Variants in GCNT2 observed in about 807,000 individuals in gnomAD.
GCNT2 encodes N-acetyllactosaminide beta-1,6-N-acetylglucosaminyl-transferase.
In GCNT2, 34 loss-of-function variants were observed where a neutral mutation model predicts 34.2. The observed-to-expected ratio is 1.00, with a 90% CI of 0.76 to 1.32. The LOEUF is 1.32. Ranked by LOEUF, GCNT2 falls within the 40% of genes most tolerant of loss-of-function variation. The probability of loss-of-function intolerance (pLI) is 0.00; values close to 1 mark genes in which losing one functional copy is unlikely to be tolerated. For synonymous variants in GCNT2, 212 were observed against 188.0 expected (o/e 1.13, Z -1.04); for missense variants, 584 against 489.4 (o/e 1.19, Z -1.82).
At chr6:10,537,623 C>G (rs1246664895) in intron 3 of GCNT2, among the ~76,000 whole-genome samples, 1 of 142,618 alleles carries the variant, frequency 7.0e-6, no homozygotes, top group African/African-American at 2.6e-5. Context: ...ATCGCTTAAA[C>G]CCGGGAGGCG....
rs545955648 is a variant in GCNT2 at position 10,545,162 on chromosome 6, C to T, written c.925+15326C>T. The stretch of plus-strand genomic sequence containing the variant: ...TCTAATAAAACTGTATCTTCTCTTT[C>T]TAGTCTATATCCTTTTCCTCCCAGC... On this transcript the variant is annotated intron_variant, in intron 3 of 4. Transcript: ENST00000495262. Among the ~76,000 whole-genome samples the T allele has an allele frequency of 6.6e-5, 10 of 151,938 alleles. No homozygotes were observed. The East Asian group carries it at 1.9e-3, about 29-fold the overall frequency.
chr6:10,565,174 G>A (rs1038908471), intron 3 of GCNT2, among the ~76,000 whole-genome samples: 6 of 152,220 alleles, frequency 3.9e-5, no homozygotes, highest in African/African-American at 1.4e-4. Context: ...ATAGCCGAGC[G>A]AACGAGGATG....
intron 3 of GCNT2, chr6:10,556,471 AATT>A (rs781422504): frequency 6.9e-5 from 111 of 1,613,996 alleles, no homozygotes; most frequent in Non-Finnish European, 8.6e-5. Context: ...TCTCTAGTGT[AATT>A]ATTTTTATCG....
chr6:10,546,820 G>A (rs1191798928), intron 3 of GCNT2, among the ~76,000 whole-genome samples: 1 of 152,002 alleles, frequency 6.6e-6, no homozygotes, highest in Non-Finnish European at 1.5e-5. Flanking sequence ...AAAAGATTAA[G>A]AAAAATAAAA....
At position 10,626,709 on chromosome 6, in the gene GCNT2, C is replaced by G; in HGVS notation, c.*102C>G. 1 of 815,438 alleles carries G rather than the reference C, an allele frequency of 1.2e-6. No homozygotes were observed. The highest frequency in any genetic ancestry group is 2.1e-6 in the Non-Finnish European group (1 of 476,860). The allele number at this position is 815,438 out of a possible 1,614,324, so 50.5% of individuals were successfully genotyped here. ...CTTCGTAATGTTAACCGTTTCAGGA[C>G]CACGTTTATAGCTTCAGGACCTGGC... is the stretch of plus-strand genomic sequence containing the variant. On this transcript the variant is annotated 3_prime_UTR_variant, in exon 5 of 5. Transcript: ENST00000495262.
At chr6:10,546,315 A>G (rs969514847) in intron 3 of GCNT2, among the ~76,000 whole-genome samples, 5 of 152,158 alleles carry the variant, frequency 3.3e-5, no homozygotes, top group Non-Finnish European at 7.3e-5. Flanking sequence ...ACCCCTGTGT[A>G]GCCAAAAACC....
intron 3 of GCNT2, among the ~76,000 whole-genome samples, chr6:10,542,439 G>A (rs1164922617): frequency 2.0e-5 from 3 of 152,094 alleles, no homozygotes; most frequent in African/African-American, 7.2e-5. Flanking sequence ...ATGATTTTTA[G>A]TGCCTTTACA....
At position 10,567,802 on chromosome 6, in the gene GCNT2, G is replaced by A. The variant is rs75721443; in HGVS notation, c.925+37966G>A. Among the ~76,000 whole-genome samples, 787 of 152,314 alleles carry A rather than the reference G, an allele frequency of 5.2e-3. 2 individuals are homozygous for A. The highest frequency in any genetic ancestry group is 0.017 in the Middle Eastern group (5 of 294). ...GCTAGCAAGAGAATTATCAAAGACG[G>A]AAGCCAGCAAAATTTATCATGGAGT... On this transcript the variant is annotated intron_variant, in intron 3 of 4. Coordinates refer to ENST00000495262, the MANE Select transcript of GCNT2 (RefSeq NM_145649.5).
chr6:10,603,804 T>A (rs1765184868), intron 3 of GCNT2, among the ~76,000 whole-genome samples: 1 of 144,814 alleles, frequency 6.9e-6, no homozygotes, highest in South Asian at 2.3e-4. Context: ...TGTGAGCCAC[T>A]GTGCCTGACA....
chr6:10,567,481 G>A (rs1209056223), intron 3 of GCNT2, among the ~76,000 whole-genome samples: 3 of 152,084 alleles, frequency 2.0e-5, no homozygotes, highest in Admixed American at 6.6e-5. Flanking sequence ...AAGATGAAAG[G>A]GAAGACTGAC....
At chr6:10,556,167 A>C in intron 3 of GCNT2, 1 of 1,363,278 alleles carries the variant, frequency 7.3e-7, no homozygotes, top group East Asian at 3.0e-5. Context: ...GGAGGAGGGA[A>C]GGCTGGGCTT....
intron 1 of GCNT2, among the ~76,000 whole-genome samples, chr6:10,523,571 G>A (rs1397633354): frequency 6.6e-6 from 1 of 152,056 alleles, no homozygotes; most frequent in Non-Finnish European, 1.5e-5. Context: ...ATCCAGGTCT[G>A]GAATTAGCTC....
intron 3 of GCNT2, among the ~76,000 whole-genome samples, chr6:10,592,725 T>G (rs1764702338): frequency 6.6e-6 from 1 of 151,898 alleles, no homozygotes; most frequent in Non-Finnish European, 1.5e-5. Context: ...GCTCTTTTAT[T>G]TTTATTTGTT....
At chr6:10,544,977 TAAATG>T (rs1762207753) in intron 3 of GCNT2, among the ~76,000 whole-genome samples, 1 of 151,670 alleles carries the variant, frequency 6.6e-6, no homozygotes, top group Non-Finnish European at 1.5e-5. Flanking sequence ...AATAAATAAA[TAAATG>T]AGGTGGTCAG....
At chr6:10,533,303 C>G (rs1177603640) in intron 3 of GCNT2, among the ~76,000 whole-genome samples, 1 of 151,774 alleles carries the variant, frequency 6.6e-6, no homozygotes, top group Admixed American at 6.6e-5. Context: ...GAGACTCCAT[C>G]TCAGAAATAA....
At chr6:10,538,506 T>C (rs951329537) in intron 3 of GCNT2, among the ~76,000 whole-genome samples, 2 of 148,548 alleles carry the variant, frequency 1.3e-5, no homozygotes, top group African/African-American at 5.0e-5. Flanking sequence ...CCTGAATTTA[T>C]ACCCATGACA....
chr6:10,573,223 T>A (rs1447274739), intron 3 of GCNT2: 1 of 984,214 alleles, frequency 1.0e-6, no homozygotes, highest in East Asian at 1.1e-4. Context: ...TCTCAACTTC[T>A]TTTTCCTCGG....
At chr6:10,538,767 T>C (rs776810018) in intron 3 of GCNT2, among the ~76,000 whole-genome samples, 15 of 152,162 alleles carry the variant, frequency 9.9e-5, no homozygotes, top group Admixed American at 2.0e-4. Flanking sequence ...ATAATAATGA[T>C]AATGTATATA....
At chr6:10,527,427 A>G (rs538498791) in intron 1 of GCNT2, 47 bp from the exon 2 acceptor site, 2 of 152,216 alleles carry the variant, frequency 1.3e-5, no homozygotes, top group Non-Finnish European at 2.9e-5. Flanking sequence ...CTCCGTTTCA[A>G]TAAATAAATA....
Sources: allele counts gnomAD v4.1 joint callset (sites outside exome capture counted in the v4.1 genomes callset), GRCh38; gene constraint gnomAD v4.1.1; transcripts MANE v1.5; gene names NCBI Gene and HGNC (gene_info 2026-07-23, HGNC 2026-07-21).